RAB5IF: variants seen among roughly 807,000 people sequenced by gnomAD.
RAB5IF encodes the protein GEL complex subunit OPTI.
A neutral mutation model predicts 20.3 loss-of-function variants in RAB5IF; 15 were observed. The ratio of observed to expected loss-of-function variants is 0.74; its 90% confidence interval spans 0.50 to 1.14. The LOEUF is 1.14. Among genes scored for constraint, RAB5IF ranks in the 50% most tolerant of loss-of-function variants. The probability of loss-of-function intolerance (pLI) is 0.00; values close to 1 mark genes in which losing one functional copy is unlikely to be tolerated. For missense variants in RAB5IF, 148 were observed against 159.5 expected (o/e 0.93, Z 0.39); for synonymous variants, 67 against 63.7 (o/e 1.05, Z -0.25).
chr20:36,605,867 G>A lies in RAB5IF; in HGVS notation c.-85G>A, dbSNP rs1404699454. 3 of 721,272 alleles carry A rather than the reference G, an allele frequency of 4.2e-6. No homozygotes were observed. The highest frequency in any genetic ancestry group is 6.1e-6 in the Non-Finnish European group (3 of 495,028). The allele number at this position is 721,272 out of a possible 1,614,324, so 44.7% of individuals were successfully genotyped here. On this transcript the variant is annotated 5_prime_UTR_variant, in exon 1 of 4. Coordinates refer to ENST00000344795, the MANE Select transcript of RAB5IF (RefSeq NM_018840.5). ...GGGCCGCTGAGCCTGCAGCCGCCCC[G>A]CGCCGTGACCTGCGACCCTAGACCC...
intron 1 of RAB5IF, among the ~76,000 whole-genome samples, chr20:36,607,136 G>T (rs6101417): frequency 0.025 from 3,772 of 152,174 alleles, 170 homozygotes; most frequent in African/African-American, 0.086. Context: ...ATCCGTATGT[G>T]CGGCCAGTAG....
Position 36,610,852 on chromosome 20 carries a change from A to G in RAB5IF, c.348+1122A>G, listed in dbSNP as rs181167146. On this transcript the variant is annotated intron_variant, in intron 3 of 3. Coordinates refer to ENST00000344795, the MANE Select transcript of RAB5IF (RefSeq NM_018840.5). ...CACAGTGAGCAAAGCCATAGAGGCA[A>G]AAAGTAGATTAGTGGTTGCCAGTGG... 1.5e-3 allele frequency among the ~76,000 whole-genome samples: 223 copies of G among 152,370 alleles called. 1 individual carries two copies. Among genetic ancestry groups the G allele is most frequent in the Non-Finnish European group, 2.4e-3 (164 of 68,038 alleles).
chr20:36,609,625 C>T lies in RAB5IF; in HGVS notation c.243C>T (p.Val81=), dbSNP rs1208589794. The T allele has an allele frequency of 1.9e-6, 3 of 1,609,938 alleles. No homozygotes were observed. The highest frequency in any genetic ancestry group is 1.7e-6 in the Non-Finnish European group (2 of 1,177,810). ...IAGFCLINAG[V]LYLYFSNYLQ... is the part of the protein sequence containing the mutation. Reference sequence around the variant, plus strand: ...GATTCTGCCTGATCAATGCAGGAGTCCTGTACCTCTACTTCAGCAATTACC... The same window carrying T: ...GATTCTGCCTGATCAATGCAGGAGTTCTGTACCTCTACTTCAGCAATTACC... The change falls in exon 3 of 4, where the codon GTC becomes GTT. Residue 81 remains valine (V), a synonymous_variant. Transcript: ENST00000344795.
chr20:36,611,969 T>A, intron 3 of RAB5IF, 41 bp from the exon 4 acceptor site: 1 of 1,611,240 alleles, frequency 6.2e-7, no homozygotes, highest in Non-Finnish European at 8.5e-7. Context: ...CGGCCTGTGT[T>A]AAGCCAGGTG....
chr20:36,609,229 A>ACACACACACACACC, intron 2 of RAB5IF, among the ~76,000 whole-genome samples: 1 of 123,734 alleles, frequency 8.1e-6, no homozygotes, highest in Admixed American at 8.0e-5. Flanking sequence ...GCACACACAC[A>ACACACACACACACC]CACACACACA....
chr20:36,611,336 C>T (rs2039109267), intron 3 of RAB5IF, among the ~76,000 whole-genome samples: 1 of 151,602 alleles, frequency 6.6e-6, no homozygotes, highest in Admixed American at 6.6e-5. Context: ...GTGGCTCATG[C>T]CTGTAATTAT....
intron 3 of RAB5IF, 123 bp from the exon 4 acceptor site, chr20:36,611,887 A>C: frequency 7.9e-7 from 1 of 1,273,336 alleles, no homozygotes; most frequent in Non-Finnish European, 1.1e-6. Context: ...CCCCAAGCAG[A>C]CTGTGCAACG....
Position 36,609,711 on chromosome 20 carries a change from C to T in RAB5IF, c.329C>T (p.Thr110Ile), listed in dbSNP as rs747302759. 1.2e-6 allele frequency: 2 copies of T among 1,614,200 alleles called. No homozygotes were observed. The highest frequency in any genetic ancestry group is 2.2e-5 in the East Asian group (1 of 44,892). The change falls in exon 3 of 4, where the codon ACC becomes ATC. Residue 110 changes from threonine (T) to isoleucine (I), a missense_variant. Transcript: ENST00000344795. ...GAGCTCACGAAGGAAGGGTTTATGA[C>T]CTCTTTTGCCTTGTTCATGGTATGT... ...TWELTKEGFMTSFALFMVIWI... is the reference protein window; with the variant it reads ...TWELTKEGFMISFALFMVIWI...
At chr20:36,607,968 G>A in intron 2 of RAB5IF, 150 bp downstream of exon 2, 1 of 1,501,934 alleles carries the variant, frequency 6.7e-7, no homozygotes, top group Non-Finnish European at 8.9e-7. Flanking sequence ...GGCACTCCTG[G>A]GTCTGGTGCA....
chr20:36,606,784 T>A (rs764350492), intron 1 of RAB5IF, among the ~76,000 whole-genome samples: 1 of 152,176 alleles, frequency 6.6e-6, no homozygotes, highest in African/African-American at 2.4e-5. Flanking sequence ...CTCTGCTCCA[T>A]GATCTGGAAG....
chr20:36,611,507 A>C (rs6028353), intron 3 of RAB5IF, among the ~76,000 whole-genome samples: 15 of 151,458 alleles, frequency 9.9e-5, no homozygotes, highest in Non-Finnish European at 1.9e-4. Flanking sequence ...AAAAAAAAAA[A>C]AAAAAAAACC....
intron 3 of RAB5IF, among the ~76,000 whole-genome samples, chr20:36,611,493 CAAA>C (rs60975859): frequency 2.1e-4 from 10 of 46,542 alleles, no homozygotes; most frequent in South Asian, 8.5e-4. Flanking sequence ...CAGCAGGACT[CAAA>C]AAAAAAAAAA....
At chr20:36,607,455 C>T (rs549501633) in intron 1 of RAB5IF, among the ~76,000 whole-genome samples, 1 of 152,088 alleles carries the variant, frequency 6.6e-6, no homozygotes, top group Non-Finnish European at 1.5e-5. Context: ...GTCTTGAACT[C>T]CTGACATCAG....
At chr20:36,606,443 A>G (rs761538950) in intron 1 of RAB5IF, among the ~76,000 whole-genome samples, 16 of 152,262 alleles carry the variant, frequency 1.1e-4, no homozygotes, top group Non-Finnish European at 1.8e-4. Context: ...TAGCACAAAC[A>G]TTAACAGTAA....
chr20:36,608,046 A>G (rs2038976676), intron 2 of RAB5IF: 6 of 1,226,662 alleles, frequency 4.9e-6, no homozygotes, highest in Middle Eastern at 2.5e-4. Flanking sequence ...GGGCCAGTCC[A>G]TTCATTCATG....
intron 1 of RAB5IF, 24 bp downstream of exon 1, chr20:36,606,089 G>T: frequency 7.4e-7 from 1 of 1,342,534 alleles, no homozygotes; most frequent in Non-Finnish European, 9.9e-7. Flanking sequence ...TGAACAGGGC[G>T]CGGGTGCGAG....
chr20:36,611,489 G>C (rs1383677663), intron 3 of RAB5IF, among the ~76,000 whole-genome samples: 1 of 102,344 alleles, frequency 9.8e-6, no homozygotes, highest in Non-Finnish European at 1.8e-5. Context: ...GTCCCAGCAG[G>C]ACTCAAAAAA....
intron 2 of RAB5IF, among the ~76,000 whole-genome samples, chr20:36,609,251 A>G (rs987142265): frequency 7.4e-6 from 1 of 134,936 alleles, no homozygotes; most frequent in African/African-American, 3.2e-5. Flanking sequence ...ACACACACAC[A>G]CACACTATAT....
intron 3 of RAB5IF, among the ~76,000 whole-genome samples, chr20:36,611,802 G>T (rs1179417285): frequency 6.6e-6 from 1 of 152,116 alleles, no homozygotes; most frequent in African/African-American, 2.4e-5. Context: ...CTTATCAGGA[G>T]TTCCTTTGCA....
Sources: allele counts gnomAD v4.1 joint callset (sites outside exome capture counted in the v4.1 genomes callset), GRCh38; gene constraint gnomAD v4.1.1; transcripts MANE v1.5; gene names NCBI Gene and HGNC (gene_info 2026-07-23, HGNC 2026-07-21).